The following SLC6A17 variants were observed in gnomAD, a reference collection of about 807,000 sequenced individuals.
The protein encoded by SLC6A17 is solute carrier family 6 member 17.
In SLC6A17, 21 loss-of-function variants were observed where a neutral mutation model predicts 64.5. The observed-to-expected ratio is 0.33, with a 90% CI of 0.23 to 0.47. The LOEUF is 0.47. SLC6A17 is among the 20% of genes least tolerant of loss of function. The probability of loss-of-function intolerance (pLI) is 1.00; values close to 1 mark genes in which losing one functional copy is unlikely to be tolerated. For missense variants in SLC6A17, 682 were observed against 963.2 expected, an observed-to-expected ratio of 0.71 and a Z score of 3.86; for synonymous variants, 372 against 399.5, an observed-to-expected ratio of 0.93 and a Z score of 0.82.
Position 110,166,826 on chromosome 1 carries a change from C to T in SLC6A17, c.-87-17C>T, listed in dbSNP as rs550006157. ...GGTGTGGTCAGATAATCCTTTACTGCTCACCTGGTTTCCTAGGTCCCTGAA... is the reference window on the plus strand; with the variant it reads ...GGTGTGGTCAGATAATCCTTTACTGTTCACCTGGTTTCCTAGGTCCCTGAA... On this transcript the variant is annotated splice_polypyrimidine_tract_variant and intron_variant, in intron 1 of 11. Transcript: ENST00000331565. 6.3e-6 allele frequency: 9 copies of T among 1,419,314 alleles called. No individual in the cohort carries two copies. In the African/African-American group the frequency reaches 1.3e-4, roughly 20 times the overall value. The allele number at this position is 1,419,314 out of a possible 1,614,324, so 87.9% of individuals were successfully genotyped here.
At chr1:110,154,012 G>A (rs1233846728) in intron 1 of SLC6A17, among the ~76,000 whole-genome samples, 3 of 152,232 alleles carry the variant, frequency 2.0e-5, no homozygotes, top group Non-Finnish European at 4.4e-5. Context: ...CCAAACTCAA[G>A]TGGGGCAGTG....
At chr1:110,169,277 G>A (rs548580267) in intron 2 of SLC6A17, among the ~76,000 whole-genome samples, 1 of 152,236 alleles carries the variant, frequency 6.6e-6, no homozygotes, top group East Asian at 1.9e-4. Context: ...ATGAGAAAAA[G>A]GCAAATGTTC....
intron 1 of SLC6A17, among the ~76,000 whole-genome samples, chr1:110,159,777 T>C (rs1655859699): frequency 6.6e-6 from 1 of 152,170 alleles, no homozygotes; most frequent in African/African-American, 2.4e-5. Context: ...GGGCATGATA[T>C]GGTCTTGGCA....
Position 110,195,674 on chromosome 1 carries a change from G to A in SLC6A17, c.1581G>A (p.Ser527=), listed in dbSNP as rs2784140. ...NYFVTMFDDY[S]ATLPLTLIVI... ...TTGTCACCATGTTCGATGACTACTCGGCCACCCTGCCACTCACTCTCATCG... is the reference window on the plus strand; with the variant it reads ...TTGTCACCATGTTCGATGACTACTCAGCCACCCTGCCACTCACTCTCATCG... Residue 527 remains serine, a synonymous_variant, in exon 10 of 12, where the codon TCG becomes TCA. Transcript: ENST00000331565. 0.47 allele frequency: 751,865 copies of A among 1,613,934 alleles called. 183,573 individuals carry two copies. Among genetic ancestry groups the A allele is most frequent in the Non-Finnish European group, 0.51 (597,039 of 1,179,948 alleles).
At chr1:110,197,977 G>C in intron 11 of SLC6A17, 99 bp from the exon 12 acceptor site, 1 of 1,507,094 alleles carries the variant, frequency 6.6e-7, no homozygotes, top group Non-Finnish European at 8.8e-7. Flanking sequence ...GGAGAGGAGT[G>C]GAAGGCCATG....
chr1:110,176,830 T>C (rs1420640070), intron 6 of SLC6A17, 91 bp downstream of exon 6: 3 of 1,093,950 alleles, frequency 2.7e-6, no homozygotes, highest in African/African-American at 1.6e-5. Context: ...TTTAATGCAC[T>C]CCGAACACCT....
At chr1:110,188,531 T>C (rs1481334797) in intron 6 of SLC6A17, among the ~76,000 whole-genome samples, 1 of 152,092 alleles carries the variant, frequency 6.6e-6, no homozygotes, top group East Asian at 1.9e-4. Flanking sequence ...AGAAACTCCC[T>C]CAGATGACAG....
In SLC6A17 at chr1:110,172,219, T is replaced by C; in HGVS notation, c.444+2T>C. 1 of 1,579,480 alleles carries C rather than the reference T, an allele frequency of 6.3e-7. No individual in the cohort carries two copies. The highest frequency in any genetic ancestry group is 8.6e-7 in the Non-Finnish European group (1 of 1,164,190). ...GGCATCGGCTTCTCCAGCTGCATAG[T>C]GAGTCAAGGGCTGGGGCAGGCACTG... is the stretch of plus-strand genomic sequence containing the variant. On this transcript the variant is annotated splice_donor_variant, in intron 3 of 11. Transcript: ENST00000331565. LOFTEE classifies it high-confidence loss of function.
At chr1:110,182,609 G>A (rs995626501) in intron 6 of SLC6A17, among the ~76,000 whole-genome samples, 5 of 128,568 alleles carry the variant, frequency 3.9e-5, no homozygotes, top group Admixed American at 1.7e-4. Flanking sequence ...CGGGGAGGTC[G>A]AAGAATAGGA....
At chr1:110,197,198 G>T (rs556407194) in intron 10 of SLC6A17, among the ~76,000 whole-genome samples, 1 of 152,196 alleles carries the variant, frequency 6.6e-6, no homozygotes, top group African/African-American at 2.4e-5. Context: ...TGTCTGGTGG[G>T]CCCTATCATA....
intron 6 of SLC6A17, among the ~76,000 whole-genome samples, chr1:110,189,133 C>T (rs1428618499): frequency 1.3e-5 from 2 of 152,250 alleles, no homozygotes; most frequent in East Asian, 3.8e-4. Flanking sequence ...CTCCTGCCAG[C>T]ACACCTGCTA....
chr1:110,173,893 G>GAAATA, intron 3 of SLC6A17, 80 bp from the exon 4 acceptor site: 2 of 1,558,112 alleles, frequency 1.3e-6, no homozygotes, highest in East Asian at 2.3e-5. Context: ...CGCTGCCGAC[G>GAAATA]TGCTGGGCCT....
chr1:110,169,914 G>T lies in SLC6A17; in HGVS notation c.287-2146G>T, dbSNP rs189661847. 2.2e-3 allele frequency among the ~76,000 whole-genome samples: 339 copies of T among 152,304 alleles called. 7 individuals carry two copies. Among genetic ancestry groups the T allele is most frequent in the Non-Finnish European group, 9.1e-4 (62 of 68,024 alleles). The stretch of plus-strand genomic sequence containing the variant: ...TGACCGCGGCCCCCTGAGCACTCTG[G>T]TTAGTTTAGGCCTTGGTGTGGTAGA... On this transcript the variant is annotated intron_variant, in intron 2 of 11. Coordinates refer to ENST00000331565, the MANE Select transcript of SLC6A17 (RefSeq NM_001010898.4).
At chr1:110,162,273 G>A (rs946783141) in intron 1 of SLC6A17, among the ~76,000 whole-genome samples, 5 of 152,276 alleles carry the variant, frequency 3.3e-5, no homozygotes, top group Non-Finnish European at 7.3e-5. Context: ...CTGATGGAGG[G>A]TGGCAGGGCA....
intron 3 of SLC6A17, among the ~76,000 whole-genome samples, 167 bp from the exon 4 acceptor site, chr1:110,173,806 A>G (rs1656302064): frequency 6.6e-6 from 1 of 152,102 alleles, no homozygotes; most frequent in Non-Finnish European, 1.5e-5. Context: ...GCGTGAATGG[A>G]GCGTGAGGGG....
chr1:110,166,745 A>G, intron 1 of SLC6A17, 98 bp from the exon 2 acceptor site: 1 of 682,842 alleles, frequency 1.5e-6, no homozygotes, highest in Non-Finnish European at 2.3e-6. Context: ...GACCTGCCTC[A>G]CAGTGTGATG....
At chr1:110,172,750 G>C (rs940951607) in intron 3 of SLC6A17, among the ~76,000 whole-genome samples, 1 of 152,204 alleles carries the variant, frequency 6.6e-6, no homozygotes, top group African/African-American at 2.4e-5. Context: ...GTGAGGCTTT[G>C]GAACAGTGAG....
intron 6 of SLC6A17, among the ~76,000 whole-genome samples, chr1:110,184,271 C>T (rs191745089): frequency 8.5e-5 from 13 of 152,138 alleles, no homozygotes; most frequent in African/African-American, 1.2e-4. Flanking sequence ...CCACAATGCC[C>T]GGCTAATTTT....
At chr1:110,151,544 G>A (rs1032886044) in intron 1 of SLC6A17, among the ~76,000 whole-genome samples, 2 of 152,226 alleles carry the variant, frequency 1.3e-5, no homozygotes, top group African/African-American at 4.8e-5. Context: ...GTCCTGGCGG[G>A]TCGAGAGGCC....
Sources: allele counts gnomAD v4.1 joint callset (sites outside exome capture counted in the v4.1 genomes callset), GRCh38; gene constraint gnomAD v4.1.1; transcripts MANE v1.5; gene names NCBI Gene and HGNC (gene_info 2026-07-23, HGNC 2026-07-21).